Variants in KCNK10 observed in about 807,000 individuals in gnomAD.
KCNK10 encodes potassium two pore domain channel subfamily K member 10, also known as potassium channel subfamily K member 10.
A neutral mutation model predicts 47.7 loss-of-function variants in KCNK10; 25 were observed. The ratio of observed to expected loss-of-function variants is 0.52; its 90% CI spans 0.38 to 0.73. The LOEUF is 0.73. Ranked by LOEUF, KCNK10 falls within the 30% of genes least tolerant of loss-of-function variation. The pLI is 0.00. For missense variants in KCNK10, 563 were observed against 714.5 expected, an observed-to-expected ratio of 0.79 and a Z score of 2.42; for synonymous variants, 303 against 285.6, an observed-to-expected ratio of 1.06 and a Z score of -0.61.
In KCNK10 at chr14:88,252,630, C is replaced by T. The variant is rs572376119; in HGVS notation, c.402+10572G>A. ...CATGACAACATCAAAGGTTCATACC[C>T]AGGACCACAGCACAATACCCACTCC... is the stretch of plus-strand genomic sequence containing the variant. On this transcript the variant is annotated intron_variant, in intron 2 of 6. Transcript: ENST00000319231. Among the ~76,000 whole-genome samples, 472 of 152,276 alleles carry T rather than the reference C, an allele frequency of 3.1e-3. 5 individuals carry two copies. Among genetic ancestry groups the T allele is most frequent in the Non-Finnish European group, 1.2e-3 (82 of 68,018 alleles).
Position 88,185,538 on chromosome 14 carries a change from G to A in KCNK10, c.1629C>T (p.Asn543=), listed in dbSNP as rs766889215. The A allele has an allele frequency of 3.1e-6, 5 of 1,611,854 alleles. No individual in the cohort carries two copies. The highest frequency in any genetic ancestry group is 2.5e-6 in the Non-Finnish European group (3 of 1,178,458). The change falls in exon 7 of 7, where the codon AAC becomes AAT. Residue 543 remains asparagine, a synonymous_variant. Coordinates refer to ENST00000319231, the MANE Select transcript of KCNK10 (RefSeq NM_138317.3). The surrounding 1 kb of genome is among the most constrained non-coding windows in gnomAD (Gnocchi z 4.3). ...CCAAGACCAATGTCCTTCACATTTA[G>A]TTTCTGTCTTCAAGTAATGAGTTGT... ...PENNSLLEDR[N]
At chr14:88,204,094 A>T (rs566631095) in intron 4 of KCNK10, among the ~76,000 whole-genome samples, 1 of 152,184 alleles carries the variant, frequency 6.6e-6, no homozygotes. Flanking sequence ...CAAGGCCTCT[A>T]CAGTGACCAT....
At position 88,227,534 on chromosome 14, in the gene KCNK10, C is replaced by T. The variant is rs115002573; in HGVS notation, c.522G>A (p.Gly174=). ...FFAGTVITTI[G]YGNIAPSTEG... ...CAGTGCTCGGAGCAATATTCCCATA[C>T]CCTGGTGAGAAATATGAAAAAGAGG... The change falls in exon 4 of 7, where the codon GGG becomes GGA. Residue 174 remains glycine, a splice_region_variant and synonymous_variant. Transcript: ENST00000319231. 1.3e-6 allele frequency: 2 copies of T among 1,591,358 alleles called. No homozygotes were observed. The highest frequency in any genetic ancestry group is 1.4e-5 in the African/African-American group (1 of 73,616).
intron 1 of KCNK10, among the ~76,000 whole-genome samples, chr14:88,274,149 C>T (rs371757678): frequency 1.2e-3 from 177 of 150,928 alleles, no homozygotes; most frequent in African/African-American, 4.2e-3. Context: ...TGGTTCTTTC[C>T]CTGGCCTCCA....
chr14:88,210,173 T>A (rs1425417483), intron 4 of KCNK10, among the ~76,000 whole-genome samples: 1 of 152,206 alleles, frequency 6.6e-6, no homozygotes, highest in Non-Finnish European at 1.5e-5. Flanking sequence ...ATAAGAAAAC[T>A]GAGGCACAGC....
chr14:88,324,456 G>A (rs1023461251), upstream of KCNK10, among the ~76,000 whole-genome samples: 1 of 152,214 alleles, frequency 6.6e-6, no homozygotes, highest in Non-Finnish European at 1.5e-5. Flanking sequence ...TGCAGTGTTG[G>A]ATAGGAAGTA....
At chr14:88,291,664 A>G (rs1311432333) in intron 1 of KCNK10, among the ~76,000 whole-genome samples, 1 of 152,206 alleles carries the variant, frequency 6.6e-6, no homozygotes, top group Non-Finnish European at 1.5e-5. Flanking sequence ...CAGGGCTGCC[A>G]CATTAACTGT....
intron 4 of KCNK10, among the ~76,000 whole-genome samples, chr14:88,216,501 A>T (rs1263406780): frequency 1.3e-5 from 2 of 152,196 alleles, no homozygotes; most frequent in African/African-American, 2.4e-5. Context: ...CACAATTCAC[A>T]GGACAACTCC....
At chr14:88,189,443 A>T (rs1361677624) in intron 5 of KCNK10, among the ~76,000 whole-genome samples, 8 of 152,212 alleles carry the variant, frequency 5.3e-5, no homozygotes, top group Non-Finnish European at 1.2e-4. Context: ...TACGCCAGAG[A>T]AATCTGTAGC....
At chr14:88,262,453 CACAG>C (rs1266232700) in intron 2 of KCNK10, among the ~76,000 whole-genome samples, 3 of 152,192 alleles carry the variant, frequency 2.0e-5, no homozygotes, top group Admixed American at 6.5e-5. Flanking sequence ...ACCGCAGCCC[CACAG>C]ATGACTCTCT....
upstream of KCNK10, among the ~76,000 whole-genome samples, chr14:88,324,441 C>T (rs1888620660): frequency 6.6e-6 from 1 of 152,220 alleles, no homozygotes; most frequent in African/African-American, 2.4e-5. Flanking sequence ...ACATGAATTG[C>T]ATGCTGCAGT....
At chr14:88,289,319 T>C (rs1466081246) in intron 1 of KCNK10, among the ~76,000 whole-genome samples, 1 of 152,254 alleles carries the variant, frequency 6.6e-6, no homozygotes, top group Non-Finnish European at 1.5e-5. Flanking sequence ...TTCTTCTCTT[T>C]TATTCACACA....
At chr14:88,323,357 T>G (rs1888594187), upstream of KCNK10, 13 of 892,306 alleles carry the variant, frequency 1.5e-5, no homozygotes, top group South Asian at 5.1e-5. Flanking sequence ...CGCCCCCCAC[T>G]TCCCGCTCCC....
intron 3 of KCNK10, chr14:88,235,028 T>C (rs1340399198): frequency 6.7e-6 from 3 of 449,712 alleles, no homozygotes; most frequent in East Asian, 7.0e-5. Flanking sequence ...TCCCTGTTTT[T>C]ACCAAGCATG....
rs76397259 is a variant in KCNK10, at chr14:88,242,617, G to A, written c.403-1797C>T. Among the ~76,000 whole-genome samples, 50 of 152,326 alleles carry A rather than the reference G, an allele frequency of 3.3e-4. No individual in the cohort carries two copies. In the East Asian group the frequency reaches 8.9e-3, roughly 27 times the overall value. On this transcript the variant is annotated intron_variant, in intron 2 of 6. Coordinates refer to ENST00000319231, the MANE Select transcript of KCNK10 (RefSeq NM_138317.3). ...GCACCCTAGAATTTAAAATCTGGCTGCATGGGATGTGTACAGACTGTCTTT... is the reference window on the plus strand; with the variant it reads ...GCACCCTAGAATTTAAAATCTGGCTACATGGGATGTGTACAGACTGTCTTT...
In KCNK10 at chr14:88,184,497, A is replaced by C. The variant is rs1884475774; in HGVS notation, c.*1038T>G. ...ATCTTATCACTATGTCTACCCTAAG[A>C]CACCCAAGGGACAAAAAGCCCTGAG... On this transcript the variant is annotated 3_prime_UTR_variant, in exon 7 of 7. Transcript: ENST00000319231. 6.6e-6 allele frequency: 1 copy of C among 152,314 alleles called. No individual in the cohort carries two copies. Among genetic ancestry groups the C allele is most frequent in the African/African-American group, 2.4e-5 (1 of 41,436 alleles). The allele number at this position is 152,314 out of a possible 1,614,324, so 9.4% of individuals were successfully genotyped here. A position where few individuals can be genotyped will look rare whatever the true frequency, so the allele number is the denominator to read the frequency against.
intron 2 of KCNK10, among the ~76,000 whole-genome samples, chr14:88,256,944 A>G (rs1223475703): frequency 2.6e-5 from 4 of 152,168 alleles, no homozygotes; most frequent in African/African-American, 9.7e-5. Context: ...CCGGGGCAAC[A>G]TGATATTTGC....
chr14:88,224,200 T>C (rs1885913531), intron 4 of KCNK10, among the ~76,000 whole-genome samples: 1 of 152,238 alleles, frequency 6.6e-6, no homozygotes, highest in African/African-American at 2.4e-5. Context: ...AAAGTGTTGT[T>C]TTAAGCTTCT....
chr14:88,290,677 C>T (rs957586220), intron 1 of KCNK10, among the ~76,000 whole-genome samples: 6 of 152,140 alleles, frequency 3.9e-5, no homozygotes, highest in Non-Finnish European at 7.3e-5. Context: ...ACGAGACTGA[C>T]GTTCTAAGCT....
Sources: gnomAD v4.1 joint callset for allele counts (sites outside exome capture counted in the v4.1 genomes callset) on GRCh38, gnomAD v4.1.1 for gene constraint, Gnocchi (gnomAD v3.1) non-coding constraint, MANE v1.5 for transcripts, NCBI Gene and HGNC (gene_info 2026-07-23, HGNC 2026-07-21) for gene names.